The following CRAMP1 variants were observed in gnomAD, a reference collection of about 807,000 sequenced individuals.
CRAMP1 encodes the protein cramped chromatin regulator 1.
Under a neutral mutation model 115.4 loss-of-function variants are expected in CRAMP1, and 50 were observed. The observed-to-expected ratio is 0.43, with a 90% CI of 0.35 to 0.55. The LOEUF (loss-of-function observed/expected upper bound fraction) is 0.55, where lower values mean the gene tolerates loss of function less well. CRAMP1 is among the 20% of genes least tolerant of loss of function. The pLI is 0.01. For synonymous variants in CRAMP1, 866 were observed against 745.4 expected (o/e 1.16, Z -2.64); for missense variants, 1,679 against 1,721.7 (o/e 0.98, Z 0.44).
rs1177855387 is a variant in CRAMP1 at position 1,658,948 on chromosome 16, C to G, written c.2236-938C>G. On this transcript the variant is annotated intron_variant, in intron 10 of 20. Coordinates refer to ENST00000397412, the MANE Select transcript of CRAMP1 (RefSeq NM_020825.4). ...GGCTGGGGTGCTGGCCGAGTCTTCC[C>G]AGCGGTGGTGGCGTTTCTGTGGTGA... is the stretch of plus-strand genomic sequence containing the variant. Among the ~76,000 whole-genome samples, 5 of 152,172 alleles carry G rather than the reference C, an allele frequency of 3.3e-5. No homozygotes were observed. The South Asian group carries it at 1.0e-3, about 32-fold the overall frequency.
intron 5 of CRAMP1, among the ~76,000 whole-genome samples, chr16:1,640,082 C>T (rs921289368): frequency 5.3e-5 from 8 of 152,190 alleles, no homozygotes; most frequent in South Asian, 2.1e-4. Context: ...CCTCGCCTGG[C>T]GACAAGAGCC....
intron 3 of CRAMP1, among the ~76,000 whole-genome samples, chr16:1,628,150 A>G (rs893495839): frequency 9.9e-5 from 15 of 152,222 alleles, no homozygotes; most frequent in African/African-American, 3.4e-4. Flanking sequence ...TGAATTAGTA[A>G]TAATAATTAA....
chr16:1,642,739 T>A (rs991907480), intron 6 of CRAMP1, among the ~76,000 whole-genome samples: 1 of 152,254 alleles, frequency 6.6e-6, no homozygotes, highest in Admixed American at 6.5e-5. Flanking sequence ...GGGAAAACAC[T>A]GCCGCAGGAT....
Position 1,634,302 on chromosome 16 carries a change from A to G in CRAMP1, c.694+1937A>G, listed in dbSNP as rs73499769. Among the ~76,000 whole-genome samples the G allele has an allele frequency of 4.2e-3, 645 of 152,328 alleles. 6 individuals carry two copies. The highest frequency in any genetic ancestry group is 0.015 in the African/African-American group (610 of 41,578). Reference sequence around the variant, plus strand: ...CTTCTGAGGTTCAAATGCACATTCTACTTGCCAACCCAGGCTCTCTCCCAT... The same window carrying G: ...CTTCTGAGGTTCAAATGCACATTCTGCTTGCCAACCCAGGCTCTCTCCCAT... On this transcript the variant is annotated intron_variant, in intron 4 of 20. Transcript: ENST00000397412.
intron 6 of CRAMP1, among the ~76,000 whole-genome samples, chr16:1,652,272 G>A (rs1419949421): frequency 2.0e-5 from 3 of 152,232 alleles, no homozygotes; most frequent in South Asian, 2.1e-4. Flanking sequence ...AACAGCAGGT[G>A]TCCCTTGGAG....
At chr16:1,613,664 C>G (rs1464113595) in intron 1 of CRAMP1, among the ~76,000 whole-genome samples, 3 of 152,164 alleles carry the variant, frequency 2.0e-5, no homozygotes, top group Non-Finnish European at 4.4e-5. Flanking sequence ...TTGTTGTTGA[C>G]ATTTTACAGG....
Position 1,671,335 on chromosome 16 carries a change from G to T in CRAMP1, c.3645+526G>T, listed in dbSNP as rs568117055. On this transcript the variant is annotated intron_variant, in intron 20 of 20. Coordinates refer to ENST00000397412, the MANE Select transcript of CRAMP1 (RefSeq NM_020825.4). The surrounding 1 kb of genome is among the most constrained non-coding windows in gnomAD (Gnocchi z 5.0). The stretch of plus-strand genomic sequence containing the variant: ...CCCACGCCCAGGGTAGTGATAGGAG[G>T]AGTCACTGGGGCAGGTTCTTGAGGG... 2.0e-5 allele frequency among the ~76,000 whole-genome samples: 3 copies of T among 152,332 alleles called. No homozygotes were observed. The highest frequency in any genetic ancestry group is 1.9e-4 in the East Asian group (1 of 5,182).
intron 2 of CRAMP1, among the ~76,000 whole-genome samples, chr16:1,615,376 A>C (rs928667280): frequency 1.3e-5 from 2 of 152,236 alleles, no homozygotes; most frequent in African/African-American, 4.8e-5. Context: ...GTGGAAATGC[A>C]CCAAGGGAGC....
In CRAMP1 at chr16:1,614,694, G is replaced by A; in HGVS notation, c.55G>A (p.Gly19Ser). The A allele has an allele frequency of 1.1e-5, 15 of 1,332,416 alleles. No individual in the cohort carries two copies. The highest frequency in any genetic ancestry group is 1.5e-5 in the Non-Finnish European group (15 of 1,034,486). 82.5% of individuals were successfully genotyped at this position (1,332,416 alleles called of 1,614,324 possible). A position where few individuals can be genotyped will look rare whatever the true frequency, so the allele number is the denominator to read the frequency against. The change falls in exon 2 of 21, where the codon GGC (glycine) becomes AGC (serine). Residue 19 changes from glycine (G) to serine (S), a missense_variant. Coordinates refer to ENST00000397412, the MANE Select transcript of CRAMP1 (RefSeq NM_020825.4). This position sits in a 1 kb window ranked among gnomAD's most constrained non-coding sequence, Gnocchi z 4.4. ...CGGGGAGGACGGGCTCAAGAAGCTG[G>A]GCAAGCGGGCGGCCGATGAGGAGTC... Reference protein sequence around the residue: ...GSGEDGLKKLGKRAADEESLE... With the variant: ...GSGEDGLKKLSKRAADEESLE...
chr16:1,643,119 A>G (rs2036646369), intron 6 of CRAMP1, among the ~76,000 whole-genome samples: 1 of 152,192 alleles, frequency 6.6e-6, no homozygotes, highest in Non-Finnish European at 1.5e-5. Flanking sequence ...TATTCTAGGG[A>G]CAACTCGGGG....
intron 6 of CRAMP1, among the ~76,000 whole-genome samples, chr16:1,649,201 C>T (rs2036702155): frequency 6.6e-6 from 1 of 152,136 alleles, no homozygotes; most frequent in African/African-American, 2.4e-5. Context: ...CGTCTTGACT[C>T]TTTGGTCAGG....
chr16:1,655,438 G>T, intron 9 of CRAMP1, 138 bp downstream of exon 9: 1 of 741,848 alleles, frequency 1.3e-6, no homozygotes. Flanking sequence ...TGTACATCTG[G>T]AACCATAACC....
intron 2 of CRAMP1, among the ~76,000 whole-genome samples, chr16:1,619,927 T>C (rs774831150): frequency 8.5e-5 from 13 of 152,152 alleles, no homozygotes; most frequent in Non-Finnish European, 1.6e-4. Flanking sequence ...GATCTTTAGA[T>C]TGATGGGACA....
chr16:1,670,159 G>A (rs1399268678), intron 19 of CRAMP1, among the ~76,000 whole-genome samples: 4 of 151,854 alleles, frequency 2.6e-5, no homozygotes, highest in South Asian at 2.1e-4. Flanking sequence ...CCAGCAACTC[G>A]GGAGGCTGAG....
intron 8 of CRAMP1, among the ~76,000 whole-genome samples, chr16:1,653,411 AGCCT>A (rs903541959): frequency 7.9e-5 from 12 of 152,274 alleles, no homozygotes; most frequent in Admixed American, 1.3e-4. Context: ...GGAGCTGCAG[AGCCT>A]TCCTTTCGTC....
At chr16:1,667,458 C>T (rs902023145) in intron 17 of CRAMP1, 58 bp downstream of exon 17, 9 of 1,342,488 alleles carry the variant, frequency 6.7e-6, no homozygotes, top group Admixed American at 1.7e-5. Context: ...CCCTCCAGTG[C>T]CCTGAGCTGC....
rs375810913 is a variant in CRAMP1 at position 1,668,958 on chromosome 16, A to G, written c.3335-43A>G. 2.1e-5 allele frequency: 33 copies of G among 1,599,902 alleles called. 1 individual carries two copies. Among genetic ancestry groups the G allele is most frequent in the East Asian group, 1.1e-4 (5 of 44,704 alleles). On this transcript the variant is annotated intron_variant, in intron 18 of 20. Transcript: ENST00000397412. ...CTGGAGAAGTGAGTTGCTGTTCACC[A>G]CCCCGCAACAAGGCGTTTCTGATCT... is the stretch of plus-strand genomic sequence containing the variant.
At chr16:1,661,626 C>T (rs548740848) in intron 11 of CRAMP1, among the ~76,000 whole-genome samples, 17 of 145,552 alleles carry the variant, frequency 1.2e-4, no homozygotes, top group Admixed American at 3.4e-4. Context: ...GATGGAGTCT[C>T]GCTCTGTCGC....
intron 8 of CRAMP1, among the ~76,000 whole-genome samples, chr16:1,654,750 C>A (rs370190251): frequency 5.9e-5 from 9 of 152,270 alleles, no homozygotes; most frequent in African/African-American, 2.2e-4. Flanking sequence ...CGGAATCACA[C>A]GCAGAGGCCT....
Sources: gnomAD v4.1 joint callset for allele counts (sites outside exome capture counted in the v4.1 genomes callset) on GRCh38, gnomAD v4.1.1 for gene constraint, Gnocchi (gnomAD v3.1) non-coding constraint, MANE v1.5 for transcripts, NCBI Gene and HGNC (gene_info 2026-07-23, HGNC 2026-07-21) for gene names.